The following ALOX12 variants were observed in gnomAD, a reference collection of about 807,000 sequenced individuals.
ALOX12 encodes polyunsaturated fatty acid lipoxygenase ALOX12.
In ALOX12, 62 loss-of-function variants were observed where a neutral mutation model predicts 85.5. That is an observed-to-expected ratio of 0.73 (90% CI 0.59 to 0.90). The LOEUF (loss-of-function observed/expected upper bound fraction) is 0.90. Among genes scored for constraint, ALOX12 ranks in the 40% least tolerant of loss-of-function variants. The probability of loss-of-function intolerance (pLI) is 0.00; values close to 1 mark genes in which losing one functional copy is unlikely to be tolerated. For synonymous variants in ALOX12, 299 were observed against 332.7 expected, an observed-to-expected ratio of 0.90 and a Z score of 1.10; for missense variants, 751 against 856.5, an observed-to-expected ratio of 0.88 and a Z score of 1.54.
At chr17:6,998,662 G>A in intron 3 of ALOX12, 53 bp from the exon 4 acceptor site, 1 of 1,588,784 alleles carries the variant, frequency 6.3e-7, no homozygotes, top group South Asian at 1.1e-5. Context: ...CCCTGCCCCT[G>A]GCCCCATCAC....
At chr17:7,001,850 C>T (rs747424629) in intron 8 of ALOX12, 39 bp downstream of exon 8, 14 of 1,566,828 alleles carry the variant, frequency 8.9e-6, no homozygotes, top group Non-Finnish European at 1.2e-5. Context: ...CCCTCAGACC[C>T]CAGAGAGAGG....
At position 6,999,470 on chromosome 17, in the gene ALOX12, C is replaced by A; in HGVS notation, c.807+4C>A. ...TCAACTGGAGAAAGAACTTCAGGTACCTCTCCTTCCCCTGCCTGGCACTGT... is the reference window on the plus strand; with the variant it reads ...TCAACTGGAGAAAGAACTTCAGGTAACTCTCCTTCCCCTGCCTGGCACTGT... On this transcript the variant is annotated splice_donor_region_variant and intron_variant, in intron 6 of 13. Coordinates refer to ENST00000251535, the MANE Select transcript of ALOX12 (RefSeq NM_000697.3). 6.2e-7 allele frequency: 1 copy of A among 1,613,764 alleles called. No homozygotes were observed. Among genetic ancestry groups the A allele is most frequent in the Non-Finnish European group, 8.5e-7 (1 of 1,179,694 alleles).
At position 7,006,124 on chromosome 17, in the gene ALOX12, G is replaced by A. The variant is rs79525008; in HGVS notation, c.1418+97G>A. ...CAAAAGCAAGAAGGTCCAGAAAGGA[G>A]AAGCAGAGAACTCAATCCTGGGGAG... On this transcript the variant is annotated intron_variant, in intron 10 of 13. Coordinates refer to ENST00000251535, the MANE Select transcript of ALOX12 (RefSeq NM_000697.3). 1.0e-3 allele frequency: 1,036 copies of A among 995,874 alleles called. 14 individuals are homozygous for A. The African/African-American group carries it at 0.011, about 10-fold the overall frequency. 61.7% of individuals were successfully genotyped at this position (995,874 alleles called of 1,614,324 possible).
At position 7,005,890 on chromosome 17, in the gene ALOX12, G is replaced by A. The variant is rs1378902341; in HGVS notation, c.1281G>A (p.Gln427=). The A allele has an allele frequency of 6.2e-7, 1 of 1,613,238 alleles. No individual in the cohort carries two copies. The highest frequency in any genetic ancestry group is 8.5e-7 in the Non-Finnish European group (1 of 1,179,932). The change falls in exon 10 of 14, where the codon CAG becomes CAA. Residue 427 remains glutamine, a synonymous_variant. Transcript: ENST00000251535. ...GCACAGGTGGAGGGGGCCATGTACA[G>A]TTGCTCCGTCGGGCGGCAGCTCAGC... is the stretch of plus-strand genomic sequence containing the variant. ...AVSTGGGGHV[Q]LLRRAAAQLT... is the part of the protein sequence containing the mutation.
intron 7 of ALOX12, chr17:7,001,296 T>A (rs779420384): frequency 6.1e-5 from 24 of 396,488 alleles, no homozygotes; most frequent in Non-Finnish European, 6.0e-5. Context: ...CTGTCAATAA[T>A]CTTACACCTC....
intron 11 of ALOX12, among the ~76,000 whole-genome samples, chr17:7,009,047 C>T (rs1052482066): frequency 2.0e-5 from 3 of 151,040 alleles, no homozygotes; most frequent in Non-Finnish European, 4.4e-5. Context: ...TCACCGACCA[C>T]GCATCCCTCA....
At chr17:6,998,929 G>C in intron 4 of ALOX12, 24 bp from the exon 5 acceptor site, 1 of 1,614,104 alleles carries the variant, frequency 6.2e-7, no homozygotes, top group Non-Finnish European at 8.5e-7. Flanking sequence ...CAGCTGATGA[G>C]TTAAGCCTCA....
chr17:7,010,443 T>G lies in ALOX12; in HGVS notation c.*20T>G. 1 of 1,602,364 alleles carries G rather than the reference T, an allele frequency of 6.2e-7. No individual in the cohort carries two copies. Among genetic ancestry groups the G allele is most frequent in the Non-Finnish European group, 8.5e-7 (1 of 1,174,078 alleles). On this transcript the variant is annotated 3_prime_UTR_variant, in exon 14 of 14. Coordinates refer to ENST00000251535, the MANE Select transcript of ALOX12 (RefSeq NM_000697.3). ...ATCTGAGCCCTAGAGTGACTCTACC[T>G]GCAAGATTTCACATCAGCTTTAGGA...
chr17:6,999,614 T>C (rs1908612514), intron 6 of ALOX12, 148 bp downstream of exon 6: 3 of 781,976 alleles, frequency 3.8e-6, no homozygotes, highest in Non-Finnish European at 5.9e-6. Flanking sequence ...AGAAATAAAA[T>C]ATGTAGGGGA....
Position 7,000,978 on chromosome 17 carries a change from A to C in ALOX12, c.951+499A>C, listed in dbSNP as rs2151640632. ...TTTTTTTTTTTTGAGACAGAATCTC[A>C]CTGTGTCACTCAGGCTGGAATACAG... On this transcript the variant is annotated intron_variant, in intron 7 of 13. Transcript: ENST00000251535. The surrounding 1 kb of genome is among the most constrained non-coding windows in gnomAD (Gnocchi z 4.6). Among the ~76,000 whole-genome samples, 2 of 148,350 alleles carry C rather than the reference A, an allele frequency of 1.3e-5. No homozygotes were observed. The highest frequency in any genetic ancestry group is 6.7e-5 in the Admixed American group (1 of 14,864).
chr17:7,005,472 G>GTT, intron 9 of ALOX12, 129 bp downstream of exon 9: 27 of 322,332 alleles, frequency 8.4e-5, no homozygotes, highest in South Asian at 3.9e-4. Context: ...TTATACCCAT[G>GTT]TCTTTTTTTT....
At chr17:6,998,892 A>ATGATAGAC in intron 4 of ALOX12, 55 bp downstream of exon 4, 1 of 1,614,084 alleles carries the variant, frequency 6.2e-7, no homozygotes, top group South Asian at 1.1e-5. Flanking sequence ...GCCAAGAATG[A>ATGATAGAC]TGATAGACGG....
chr17:6,996,687 T>C lies in ALOX12; in HGVS notation c.136-139T>C, dbSNP rs1341127682. 5.5e-6 allele frequency: 6 copies of C among 1,084,394 alleles called. No homozygotes were observed. The East Asian group carries it at 1.1e-4, about 19-fold the overall frequency. The allele number at this position is 1,084,394 out of a possible 1,614,324, so 67.2% of individuals were successfully genotyped here. ...GGGCGTCTGAGACCCAAAGAGCAGG[T>C]TGTGCGGGGGCGGGAACGAGGCGAT... On this transcript the variant is annotated intron_variant, in intron 1 of 13. Transcript: ENST00000251535.
Position 6,996,845 on chromosome 17 carries a change from A to C in ALOX12, c.155A>C (p.Asp52Ala). The change falls in exon 2 of 14, where the codon GAC becomes GCC. Residue 52 changes from aspartate to alanine, a missense_variant. By Grantham distance (126) the Asp-to-Ala change is moderately radical (BLOSUM62 -2). Coordinates refer to ENST00000251535, the MANE Select transcript of ALOX12 (RefSeq NM_000697.3). ...GCACAGGAGGAGGAGTTTGATCATG[A>C]CGTTGCAGAGGACTTGGGGCTCCTG... ...ARGEEEEFDH[D>A]VAEDLGLLQF... 6.2e-7 allele frequency: 1 copy of C among 1,613,638 alleles called. No homozygotes were observed. The highest frequency in any genetic ancestry group is 8.5e-7 in the Non-Finnish European group (1 of 1,179,628).
intron 8 of ALOX12, chr17:7,002,294 C>A: frequency 2.9e-6 from 1 of 343,512 alleles, no homozygotes; most frequent in East Asian, 8.1e-5. Context: ...CCGCTCATAC[C>A]TGCCCAACAG....
rs945065519 is a variant in ALOX12, at chr17:7,000,783, T to C, written c.951+304T>C. Among the ~76,000 whole-genome samples, 1 of 152,202 alleles carries C rather than the reference T, an allele frequency of 6.6e-6. No individual in the cohort carries two copies. Among genetic ancestry groups the C allele is most frequent in the African/African-American group, 2.4e-5 (1 of 41,442 alleles). ...ATTTCTGGATCCCATGACCAGACTT[T>C]CTGATTCAGTATGTCTGGGGTGGGA... is the stretch of plus-strand genomic sequence containing the variant. On this transcript the variant is annotated intron_variant, in intron 7 of 13. Coordinates refer to ENST00000251535, the MANE Select transcript of ALOX12 (RefSeq NM_000697.3). This position sits in a 1 kb window ranked among gnomAD's most constrained non-coding sequence, Gnocchi z 4.6.
At chr17:6,999,912 A>G (rs1448504328) in intron 6 of ALOX12, among the ~76,000 whole-genome samples, 1 of 152,206 alleles carries the variant, frequency 6.6e-6, no homozygotes, top group Non-Finnish European at 1.5e-5. Context: ...TGGCAGGGGT[A>G]GTAGGGGAAG....
intron 6 of ALOX12, chr17:6,999,728 G>A (rs189031652): frequency 3.8e-4 from 175 of 459,722 alleles, no homozygotes; most frequent in Middle Eastern, 6.1e-4. Flanking sequence ...TTGCCTGGCC[G>A]CAGTGTTCTG....
intron 5 of ALOX12, 90 bp from the exon 6 acceptor site, chr17:6,999,216 A>C (rs1908591255): frequency 6.4e-6 from 10 of 1,557,984 alleles, no homozygotes; most frequent in Non-Finnish European, 8.8e-6. Context: ...GGGTTCAGGG[A>C]GGGTTATATA....
Sources: allele counts gnomAD v4.1 joint callset (sites outside exome capture counted in the v4.1 genomes callset), GRCh38; gene constraint gnomAD v4.1.1; non-coding constraint Gnocchi (gnomAD v3.1); transcripts MANE v1.5; gene names NCBI Gene and HGNC (gene_info 2026-07-23, HGNC 2026-07-21).